The following SLC4A4 variants were observed in gnomAD, a reference collection of about 807,000 sequenced individuals.
SLC4A4 encodes the protein solute carrier family 4 member 4.
SLC4A4 carries 27 observed loss-of-function variants against 111.5 expected under a neutral mutation model. The observed-to-expected ratio is 0.24, with a 90% confidence interval of 0.18 to 0.33. SLC4A4 has a LOEUF of 0.33. SLC4A4 is among the 10% of genes least tolerant of loss of function. The probability of loss-of-function intolerance (pLI) is 1.00; values close to 1 mark genes in which losing one functional copy is unlikely to be tolerated. For missense variants in SLC4A4, 909 were observed against 1,315.5 expected (o/e 0.69, Z 4.78); for synonymous variants, 443 against 463.4 (o/e 0.96, Z 0.57).
chr4:71,066,532 T>G (rs1450852692), intron 1 of SLC4A4, among the ~76,000 whole-genome samples: 3 of 152,170 alleles, frequency 2.0e-5, no homozygotes, highest in Non-Finnish European at 4.4e-5. Context: ...AAATAAGAAG[T>G]TTTTGATTCA....
chr4:71,472,417 G>A (rs1042580145), intron 13 of SLC4A4, among the ~76,000 whole-genome samples: 3 of 151,850 alleles, frequency 2.0e-5, no homozygotes, highest in African/African-American at 7.2e-5. Context: ...TATGAAGGTA[G>A]GGACCATATT....
At chr4:71,283,244 CT>C (rs1435631183) in intron 3 of SLC4A4, among the ~76,000 whole-genome samples, 2 of 151,418 alleles carry the variant, frequency 1.3e-5, no homozygotes, top group Non-Finnish European at 2.9e-5. Context: ...CTTTCATTGC[CT>C]TTTGAAGCAT....
intron 2 of SLC4A4, among the ~76,000 whole-genome samples, chr4:71,145,993 T>C (rs567801114): frequency 4.6e-5 from 7 of 152,352 alleles, no homozygotes; most frequent in Admixed American, 4.6e-4. Context: ...CTGCTAGCTT[T>C]GGAATGTGTT....
At chr4:71,236,157 A>G (rs1176256291) in intron 1 of SLC4A4, 38 of 1,050,840 alleles carry the variant, frequency 3.6e-5, no homozygotes, top group Non-Finnish European at 4.2e-5. Flanking sequence ...GGGTGTTTAA[A>G]GAGCTAAGCA....
At chr4:71,207,128 G>A (rs1224774394) in intron 1 of SLC4A4, among the ~76,000 whole-genome samples, 1 of 152,106 alleles carries the variant, frequency 6.6e-6, no homozygotes, top group Non-Finnish European at 1.5e-5. Context: ...TTTTAATTTT[G>A]TCATCATTTC....
chr4:71,546,201 A>G, intron 18 of SLC4A4, 149 bp from the exon 19 acceptor site: 1 of 692,230 alleles, frequency 1.4e-6, no homozygotes, highest in Admixed American at 2.2e-5. Context: ...GAATAATACA[A>G]AGAAGATAAA....
chr4:71,133,953 T>C (rs1012608320), intron 2 of SLC4A4, among the ~76,000 whole-genome samples: 1 of 152,170 alleles, frequency 6.6e-6, no homozygotes, highest in African/African-American at 2.4e-5. Flanking sequence ...CATGAAGTTT[T>C]CTGGAGGCTG....
intron 2 of SLC4A4, among the ~76,000 whole-genome samples, chr4:71,098,405 A>G (rs1395558096): frequency 6.6e-6 from 1 of 152,166 alleles, no homozygotes; most frequent in Non-Finnish European, 1.5e-5. Flanking sequence ...TTGTGTCAGT[A>G]CCATGCTGTT....
At chr4:71,134,888 C>T (rs1169472565) in intron 2 of SLC4A4, among the ~76,000 whole-genome samples, 1 of 152,204 alleles carries the variant, frequency 6.6e-6, no homozygotes, top group Non-Finnish European at 1.5e-5. Flanking sequence ...TGCCAGCAAG[C>T]TTTGCCTCCT....
At chr4:71,407,078 T>G (rs942082287) in intron 7 of SLC4A4, among the ~76,000 whole-genome samples, 1 of 152,128 alleles carries the variant, frequency 6.6e-6, no homozygotes, top group Non-Finnish European at 1.5e-5. Flanking sequence ...GTGCTCTTAG[T>G]GGATATAATG....
chr4:71,426,008 C>T (rs139977514), intron 7 of SLC4A4, among the ~76,000 whole-genome samples: 1 of 152,068 alleles, frequency 6.6e-6, no homozygotes, highest in East Asian at 1.9e-4. Context: ...CTTTGTAGGG[C>T]CATTTCAAAA....
chr4:71,339,225 G>GAT, intron 3 of SLC4A4, 145 bp from the exon 4 acceptor site: 1 of 1,614,082 alleles, frequency 6.2e-7, no homozygotes, highest in East Asian at 2.2e-5. Context: ...TTAGATTGGG[G>GAT]ATTTGGGAGG....
intron 7 of SLC4A4, among the ~76,000 whole-genome samples, chr4:71,411,804 C>T (rs1721385810): frequency 6.6e-6 from 1 of 152,142 alleles, no homozygotes; most frequent in Non-Finnish European, 1.5e-5. Context: ...ATTTTCTGAG[C>T]AGGGCACTTC....
chr4:71,382,241 C>T (rs180902982), intron 6 of SLC4A4, among the ~76,000 whole-genome samples: 5 of 151,660 alleles, frequency 3.3e-5, no homozygotes, highest in East Asian at 3.9e-4. Flanking sequence ...TTCAGGCTGG[C>T]GAAGGCCTGT....
intron 3 of SLC4A4, among the ~76,000 whole-genome samples, chr4:71,302,814 G>T (rs1725378079): frequency 6.6e-6 from 1 of 152,156 alleles, no homozygotes; most frequent in African/African-American, 2.4e-5. Flanking sequence ...AGGAAAAGAG[G>T]ATAATGTCAT....
intron 21 of SLC4A4, 137 bp from the exon 22 acceptor site, chr4:71,557,575 T>A (rs897169535): frequency 4.9e-6 from 4 of 816,906 alleles, no homozygotes; most frequent in Non-Finnish European, 8.2e-6. Context: ...ATTTCTGCAT[T>A]CCTTGACCAT....
intron 16 of SLC4A4, among the ~76,000 whole-genome samples, chr4:71,511,088 G>T (rs28626424): frequency 0.13 from 19,695 of 151,968 alleles, 1,569 homozygotes; most frequent in Admixed American, 0.24. Context: ...AATTATTATA[G>T]CAATTATCAT....
intron 2 of SLC4A4, among the ~76,000 whole-genome samples, chr4:71,097,407 T>G (rs1303423746): frequency 6.6e-6 from 1 of 152,238 alleles, no homozygotes; most frequent in African/African-American, 2.4e-5. Context: ...TACCACATTT[T>G]CTTTACCCAT....
chr4:71,129,150 C>G (rs753694402), intron 2 of SLC4A4, among the ~76,000 whole-genome samples: 8 of 152,008 alleles, frequency 5.3e-5, no homozygotes, highest in Non-Finnish European at 1.2e-4. Context: ...TGCACAGCAA[C>G]AGGAACAATA....
Sources: gnomAD v4.1 joint callset for allele counts (sites outside exome capture counted in the v4.1 genomes callset) on GRCh38, gnomAD v4.1.1 for gene constraint, MANE v1.5 for transcripts, NCBI Gene and HGNC (gene_info 2026-07-23, HGNC 2026-07-21) for gene names.